The following ZNF829 variants were observed in gnomAD, a reference collection of about 807,000 sequenced individuals.
The protein encoded by ZNF829 is zinc finger protein 829.
ZNF829 carries 25 observed loss-of-function variants against 35.2 expected under a neutral mutation model. The observed-to-expected ratio is 0.71, with a 90% CI of 0.52 to 0.99. The LOEUF (loss-of-function observed/expected upper bound fraction) is 0.99. Ranked by LOEUF, ZNF829 falls within the 50% of genes least tolerant of loss-of-function variation. The pLI, the probability that ZNF829 is intolerant of heterozygous loss-of-function variation, is 0.00. For missense variants in ZNF829, 417 were observed against 515.3 expected, an observed-to-expected ratio of 0.81 and a Z score of 1.85; for synonymous variants, 136 against 163.2, an observed-to-expected ratio of 0.83 and a Z score of 1.27.
intron 5 of ZNF829, among the ~76,000 whole-genome samples, chr19:36,898,668 T>C (rs918996940): frequency 6.6e-6 from 1 of 152,042 alleles, no homozygotes; most frequent in Non-Finnish European, 1.5e-5. Context: ...CAAAGACCAA[T>C]GGAACAGAAG....
intron 3 of ZNF829, among the ~76,000 whole-genome samples, chr19:36,913,953 T>A (rs938810225): frequency 3.3e-4 from 50 of 152,092 alleles, no homozygotes; most frequent in Non-Finnish European, 3.7e-4. Flanking sequence ...AACATACCCA[T>A]GCACATATAG....
chr19:36,915,968 T>C (rs2073324342), intron 1 of ZNF829, 43 bp downstream of exon 1: 2 of 1,528,728 alleles, frequency 1.3e-6, no homozygotes, highest in South Asian at 2.4e-5. Context: ...GGATGGGAAC[T>C]TGCAGACCTG....
At chr19:36,897,610 C>T (rs10402227) in intron 5 of ZNF829, among the ~76,000 whole-genome samples, 10,652 of 152,014 alleles carry the variant, frequency 0.07, 942 homozygotes, top group African/African-American at 0.2. Context: ...GGGGAAAAGC[C>T]GAAAGCTTTT....
rs762813517 is a variant in ZNF829 at position 36,915,154 on chromosome 19, G to A, written c.14C>T (p.Pro5Leu). The change falls in exon 2 of 6, where the codon CCT becomes CTT. Residue 5 changes from proline (P) to leucine (L), a missense_variant. By Grantham distance (98) the Pro-to-Leu change is moderately conservative. Transcript: ENST00000391711. The stretch of plus-strand genomic sequence containing the variant: ...CCACACATGAGGAATGGAGATCAGA[G>A]GAGAATGGGGCATTCTGTCCAATTC... MPHS[P>L]LISIPHVWCH... The A allele has an allele frequency of 6.2e-7, 1 of 1,614,110 alleles. No individual in the cohort carries two copies. The highest frequency in any genetic ancestry group is 8.5e-7 in the Non-Finnish European group (1 of 1,180,028).
rs34635076 is a variant in ZNF829 at position 36,899,354 on chromosome 19, AG to A, written c.320-6884del. Among the ~76,000 whole-genome samples the A allele has an allele frequency of 6.2e-3, 937 of 152,238 alleles. 24 individuals are homozygous for A. Among genetic ancestry groups the A allele is most frequent in the East Asian group, 0.05 (259 of 5,190 alleles). Reference sequence around the variant, plus strand: ...TAGCTACTTAGGAGGCTGAGGTGGTAGAATCACTTGAGCCTGGGAGTTCAAG... The same window carrying A: ...TAGCTACTTAGGAGGCTGAGGTGGTAAATCACTTGAGCCTGGGAGTTCAAG... On this transcript the variant is annotated intron_variant, in intron 5 of 5. Transcript: ENST00000391711.
intron 3 of ZNF829, among the ~76,000 whole-genome samples, chr19:36,914,318 C>T (rs1568373466): frequency 6.6e-6 from 1 of 151,984 alleles, no homozygotes; most frequent in Admixed American, 6.6e-5. Flanking sequence ...GGAAAACAAT[C>T]AATAAAGGAC....
Position 36,892,371 on chromosome 19 carries a change from G to A in ZNF829, c.420C>T (p.Pro140=), listed in dbSNP as rs2073065035. ...TTTTTTGAGGTGGAATAAGAAATGT[G>A]GGCTGAATAAAAGTAGACATGTCTT... The part of the protein sequence containing the change: ...TREDMSTFIQ[P]TFLIPPQKTM... The change falls in exon 6 of 6, where the codon CCC becomes CCT. Residue 140 remains proline (P), a synonymous_variant. Transcript: ENST00000391711. The A allele has an allele frequency of 6.2e-7, 1 of 1,613,270 alleles. No homozygotes were observed. Among genetic ancestry groups the A allele is most frequent in the Admixed American group, 1.7e-5 (1 of 59,996 alleles).
chr19:36,902,654 T>TA (rs569875057), intron 5 of ZNF829, among the ~76,000 whole-genome samples: 34 of 148,324 alleles, frequency 2.3e-4, no homozygotes, highest in African/African-American at 8.5e-4. Flanking sequence ...CAAAATAAAA[T>TA]AAAATAAAAT....
At chr19:36,900,458 T>A (rs956684688) in intron 5 of ZNF829, among the ~76,000 whole-genome samples, 1 of 151,978 alleles carries the variant, frequency 6.6e-6, no homozygotes, top group Non-Finnish European at 1.5e-5. Flanking sequence ...TCTCCTGATA[T>A]AAGCATTGCC....
chr19:36,904,749 T>C (rs2073201932), intron 5 of ZNF829, among the ~76,000 whole-genome samples: 1 of 152,130 alleles, frequency 6.6e-6, no homozygotes, highest in Non-Finnish European at 1.5e-5. Flanking sequence ...TTTCAAACTC[T>C]GTAAATATAT....
In ZNF829 at chr19:36,914,971, T is replaced by A. The variant is rs766039163; in HGVS notation, c.90A>T (p.Val30=). The A allele has an allele frequency of 3.1e-6, 5 of 1,614,092 alleles. No homozygotes were observed. The highest frequency in any genetic ancestry group is 3.3e-5 in the Admixed American group (2 of 60,002). Residue 30 remains valine (V), a synonymous_variant, in exon 3 of 6, where the codon GTA becomes GTT. Coordinates refer to ENST00000391711, the MANE Select transcript of ZNF829 (RefSeq NM_001037232.4). ...ERMHDELLQA[V]SKGPVMFRDV... ...AGAGGAAACCCCAACACACCTTGGA[T>A]ACTGCTTGTAGAAGTTCATCATGCA... is the stretch of plus-strand genomic sequence containing the variant.
Position 36,890,622 on chromosome 19 carries a change from CT to C in ZNF829, c.*869del, listed in dbSNP as rs1316087043. On this transcript the variant is annotated 3_prime_UTR_variant, in exon 6 of 6. Transcript: ENST00000391711. ...TTGGGAGGCTGAGGCGGGCAGATCA[CT>C]TGAAGTCAGGAGTTCAAGACCAGCC... The C allele has an allele frequency of 6.8e-6, 1 of 147,672 alleles. No individual in the cohort carries two copies. Among genetic ancestry groups the C allele is most frequent in the East Asian group, 2.0e-4 (1 of 4,972 alleles). The allele number at this position is 147,672 out of a possible 1,614,324, so 9.1% of individuals were successfully genotyped here.
intron 3 of ZNF829, among the ~76,000 whole-genome samples, chr19:36,911,306 GGTTTAA>G (rs2073262694): frequency 6.6e-6 from 1 of 151,678 alleles, no homozygotes; most frequent in Non-Finnish European, 1.5e-5. Context: ...CTGCCTCCCA[GGTTTAA>G]GCAATGCTTC....
At chr19:36,914,707 T>C (rs2073294565) in intron 3 of ZNF829, among the ~76,000 whole-genome samples, 1 of 152,216 alleles carries the variant, frequency 6.6e-6, no homozygotes, top group African/African-American at 2.4e-5. Flanking sequence ...TGACAAATAA[T>C]GAAAATACAT....
At chr19:36,910,234 G>A (rs1007262984) in intron 3 of ZNF829, among the ~76,000 whole-genome samples, 3 of 151,986 alleles carry the variant, frequency 2.0e-5, no homozygotes, top group African/African-American at 7.2e-5. Context: ...ACAGGCGCCG[G>A]TCACCACACC....
chr19:36,903,858 T>A (rs1228767786), intron 5 of ZNF829, among the ~76,000 whole-genome samples: 1 of 130,578 alleles, frequency 7.7e-6, no homozygotes, highest in Non-Finnish European at 1.7e-5. Context: ...AGAGTAAAAC[T>A]GTCTCGAAAA....
chr19:36,891,375 C>A lies in ZNF829; in HGVS notation c.*117G>T. The A allele has an allele frequency of 1.1e-5, 12 of 1,053,396 alleles. No individual in the cohort carries two copies. The highest frequency in any genetic ancestry group is 1.6e-5 in the Non-Finnish European group (12 of 765,530). 65.3% of individuals were successfully genotyped at this position (1,053,396 alleles called of 1,614,324 possible). On this transcript the variant is annotated 3_prime_UTR_variant, in exon 6 of 6. Transcript: ENST00000391711. ...GGTACTTGGTACTTTGTTATCGTAT[C>A]GTTTAAAAACGAATACATAGGAGAA... is the stretch of plus-strand genomic sequence containing the variant.
At chr19:36,897,079 C>CA (rs1415797516) in intron 5 of ZNF829, among the ~76,000 whole-genome samples, 3 of 152,078 alleles carry the variant, frequency 2.0e-5, no homozygotes, top group Admixed American at 6.6e-5. Context: ...TGTCTCCCAA[C>CA]AAAAAAAGCC....
In ZNF829 at chr19:36,908,342, C is replaced by T. The variant is rs375085686; in HGVS notation, c.214G>A (p.Val72Ile). 1.5e-5 allele frequency: 24 copies of T among 1,612,902 alleles called. No homozygotes were observed. The South Asian group carries it at 2.6e-4, about 18-fold the overall frequency. Residue 72 changes from valine to isoleucine, a missense_variant, in exon 4 of 6, where the codon GTT (valine) becomes ATT (isoleucine). By Grantham distance (29) the Val-to-Ile change is conservative. Coordinates refer to ENST00000391711, the MANE Select transcript of ZNF829 (RefSeq NM_001037232.4). The part of the protein sequence containing the change: ...EVMLENFSNL[V>I]SVGLSNSKPA... ...GAATAGTTATCCTTACCCACTGAAA[C>T]CAGGTTGCTGAAATTCTCCAACATC... is the stretch of plus-strand genomic sequence containing the variant.
Sources: gnomAD v4.1 joint callset for allele counts (sites outside exome capture counted in the v4.1 genomes callset) on GRCh38, gnomAD v4.1.1 for gene constraint, MANE v1.5 for transcripts, NCBI Gene and HGNC (gene_info 2026-07-23, HGNC 2026-07-21) for gene names.